Variants in GRHL2 observed in about 807,000 individuals in gnomAD.
GRHL2 encodes grainyhead like transcription factor 2, also known as grainyhead-like protein 2 homolog.
In GRHL2, 21 loss-of-function variants were observed where a neutral mutation model predicts 83.8. That is an observed-to-expected ratio of 0.25 (90% CI 0.18 to 0.36). The LOEUF is 0.36. Among genes scored for constraint, GRHL2 ranks in the 10% least tolerant of loss-of-function variants. The pLI, the probability that GRHL2 is intolerant of heterozygous loss-of-function variation, is 1.00. For synonymous variants in GRHL2, 280 were observed against 278.9 expected, an observed-to-expected ratio of 1.00 and a Z score of -0.04; for missense variants, 623 against 781.8, an observed-to-expected ratio of 0.80 and a Z score of 2.42.
At chr8:101,505,394 A>G (rs934964120) in intron 1 of GRHL2, among the ~76,000 whole-genome samples, 1 of 152,032 alleles carries the variant, frequency 6.6e-6, no homozygotes, top group Non-Finnish European at 1.5e-5. Flanking sequence ...CCTGACCAAC[A>G]TGAAGAAACC....
In GRHL2 at chr8:101,626,531, A is replaced by C. The variant is rs538323297; in HGVS notation, c.1258-5106A>C. 2.0e-5 allele frequency among the ~76,000 whole-genome samples: 3 copies of C among 152,214 alleles called. No individual in the cohort carries two copies. In the East Asian group the frequency reaches 5.8e-4, roughly 29 times the overall value. ...CTACATATTGTGGAAATACGGAGAA[A>C]TAAAGCCACATTCTTAAAATACATG... is the stretch of plus-strand genomic sequence containing the variant. On this transcript the variant is annotated intron_variant, in intron 9 of 15. Transcript: ENST00000646743.
At chr8:101,599,301 G>C (rs897815343) in intron 8 of GRHL2, 150 bp downstream of exon 8, 73 of 687,536 alleles carry the variant, frequency 1.1e-4, no homozygotes, top group Non-Finnish European at 1.3e-5. Flanking sequence ...GGAGAAAAGG[G>C]AGTGTGCTCC....
intron 1 of GRHL2, among the ~76,000 whole-genome samples, chr8:101,515,400 T>C (rs913266409): frequency 6.6e-6 from 1 of 152,184 alleles, no homozygotes; most frequent in African/African-American, 2.4e-5. Flanking sequence ...AACTACAGGT[T>C]TACTTAAGTC....
chr8:101,624,520 CAGTA>C (rs1448580194), intron 9 of GRHL2, among the ~76,000 whole-genome samples: 1 of 150,484 alleles, frequency 6.6e-6, no homozygotes, highest in Non-Finnish European at 1.5e-5. Context: ...GGACAGTTCA[CAGTA>C]AGACAGTTCA....
chr8:101,503,872 A>G (rs937771696), intron 1 of GRHL2, among the ~76,000 whole-genome samples: 1 of 152,204 alleles, frequency 6.6e-6, no homozygotes. Flanking sequence ...AAAAGTTAAC[A>G]GTGGTTTTCT....
chr8:101,670,136 C>A (rs756174176), downstream of GRHL2, among the ~76,000 whole-genome samples: 1 of 152,202 alleles, frequency 6.6e-6, no homozygotes, highest in Non-Finnish European at 1.5e-5. Flanking sequence ...GGCTCTAACT[C>A]CAGTTTTCTC....
intron 3 of GRHL2, 47 bp from the exon 4 acceptor site, chr8:101,558,372 G>A: frequency 6.2e-7 from 1 of 1,608,580 alleles, no homozygotes; most frequent in Middle Eastern, 1.9e-4. Context: ...GTTGCCGAAT[G>A]GTGATTTTTC....
Position 101,543,439 on chromosome 8 carries a change from A to G in GRHL2, c.216+3A>G, listed in dbSNP as rs1350815423. 9 of 1,613,550 alleles carry G rather than the reference A, an allele frequency of 5.6e-6. No individual in the cohort carries two copies. Among genetic ancestry groups the G allele is most frequent in the Non-Finnish European group, 7.6e-6 (9 of 1,179,606 alleles). The stretch of plus-strand genomic sequence containing the variant: ...GCCTGCTCTATGACTACTACAAGGT[A>G]GGTCCCCAGCCTCCACTTTTCTCTT... On this transcript the variant is annotated splice_donor_region_variant and intron_variant, in intron 2 of 15. Transcript: ENST00000646743.
intron 1 of GRHL2, 123 bp downstream of exon 1, chr8:101,492,912 T>C: frequency 1.1e-6 from 1 of 914,570 alleles, no homozygotes; most frequent in Non-Finnish European, 1.8e-6. Flanking sequence ...TTTCTTTTTC[T>C]TTTTGGTGGA....
At chr8:101,496,327 C>T (rs1810104772) in intron 1 of GRHL2, among the ~76,000 whole-genome samples, 1 of 152,046 alleles carries the variant, frequency 6.6e-6, no homozygotes, top group Non-Finnish European at 1.5e-5. Flanking sequence ...TGGGATGACT[C>T]TACATTTTAA....
At chr8:101,522,345 T>A (rs1810702571) in intron 1 of GRHL2, among the ~76,000 whole-genome samples, 1 of 152,212 alleles carries the variant, frequency 6.6e-6, no homozygotes, top group South Asian at 2.1e-4. Flanking sequence ...TCCTAGCATT[T>A]ACATTGTATT....
chr8:101,597,584 A>C (rs537794791), intron 7 of GRHL2, among the ~76,000 whole-genome samples: 1 of 152,076 alleles, frequency 6.6e-6, no homozygotes, highest in African/African-American at 2.4e-5. Context: ...CCAAGGACAA[A>C]AAACAGAACA....
intron 12 of GRHL2, among the ~76,000 whole-genome samples, chr8:101,639,709 T>A (rs6986280): frequency 0.12 from 17,547 of 152,188 alleles, 2,173 homozygotes; most frequent in African/African-American, 0.32. Context: ...AGGACCTAGA[T>A]TGTGACAAGC....
At chr8:101,582,746 AG>A (rs1328043206) in intron 7 of GRHL2, among the ~76,000 whole-genome samples, 1 of 152,204 alleles carries the variant, frequency 6.6e-6, no homozygotes, top group African/African-American at 2.4e-5. Context: ...AACGTCACTA[AG>A]CCAGAAGTGG....
intron 9 of GRHL2, among the ~76,000 whole-genome samples, chr8:101,629,683 G>A (rs1375300674): frequency 6.6e-6 from 1 of 151,852 alleles, no homozygotes; most frequent in Non-Finnish European, 1.5e-5. Context: ...ATGTTATATT[G>A]TACAGAGTCC....
chr8:101,562,663 T>A (rs1811631946), intron 4 of GRHL2, among the ~76,000 whole-genome samples: 1 of 152,268 alleles, frequency 6.6e-6, no homozygotes, highest in Non-Finnish European at 1.5e-5. Context: ...TTGAATTGCC[T>A]TGGGATCTTG....
At chr8:101,570,464 T>C in intron 5 of GRHL2, 70 bp downstream of exon 5, 1 of 1,261,590 alleles carries the variant, frequency 7.9e-7, no homozygotes, top group South Asian at 1.2e-5. Context: ...CTTCGAGTTA[T>C]ACCTTTAAAC....
At chr8:101,615,643 A>G (rs1025551197) in intron 8 of GRHL2, among the ~76,000 whole-genome samples, 2 of 152,126 alleles carry the variant, frequency 1.3e-5, no homozygotes, top group Non-Finnish European at 2.9e-5. Context: ...ACTGCATTTT[A>G]TACACTCTGG....
rs184306047 is a variant in GRHL2 at position 101,646,669 on chromosome 8, C to T, written c.1612+2444C>T. ...ATGAACATAATTATTACCAATGCCA[C>T]GATTATTGGTTTTTGCCTTTGTGGC... On this transcript the variant is annotated intron_variant, in intron 13 of 15. Coordinates refer to ENST00000646743, the MANE Select transcript of GRHL2 (RefSeq NM_024915.4). Among the ~76,000 whole-genome samples, 7 of 152,328 alleles carry T rather than the reference C, an allele frequency of 4.6e-5. No individual in the cohort carries two copies. The East Asian group carries it at 5.8e-4, about 13-fold the overall frequency.
Sources: gnomAD v4.1 joint callset for allele counts (sites outside exome capture counted in the v4.1 genomes callset) on GRCh38, gnomAD v4.1.1 for gene constraint, MANE v1.5 for transcripts, NCBI Gene and HGNC (gene_info 2026-07-23, HGNC 2026-07-21) for gene names.